MFSD11: variants seen among roughly 807,000 people sequenced by gnomAD.
MFSD11 encodes the protein major facilitator superfamily domain containing 11.
Under a neutral mutation model 53.5 loss-of-function variants are expected in MFSD11, and 36 were observed. The observed-to-expected ratio is 0.67, with a 90% CI of 0.52 to 0.89. The LOEUF is 0.89. MFSD11 is among the 40% of genes least tolerant of loss of function. MFSD11 has a pLI of 0.00. For synonymous variants in MFSD11, 186 were observed against 184.9 expected (o/e 1.01, Z -0.05); for missense variants, 530 against 543.9 (o/e 0.97, Z 0.25).
chr17:76,775,123 C>T lies in MFSD11; in HGVS notation c.1001C>T (p.Pro334Leu), dbSNP rs762193799. Residue 334 changes from proline to leucine, a missense_variant, in exon 11 of 13, where the codon CCG becomes CTG. Pro to Leu is a moderately conservative substitution (Grantham distance 98). Transcript: ENST00000685175. ...TTTCTCAACATGCCTGGAGATGCCC[C>T]GATTGCTCCTGTTAAAGGAACTGAC... ...LIFLNMPGDA[P>L]IAPVKGTDSS... is the part of the protein sequence containing the mutation. The T allele has an allele frequency of 1.9e-5, 31 of 1,613,840 alleles. No individual in the cohort carries two copies. In the Admixed American group the frequency reaches 2.0e-4, roughly 10 times the overall value.
chr17:76,761,844 C>G (rs1002327823), intron 8 of MFSD11, among the ~76,000 whole-genome samples: 3 of 151,592 alleles, frequency 2.0e-5, no homozygotes, highest in African/African-American at 7.3e-5. Context: ...TGGCGTGAAC[C>G]CAGGAGGCGG....
chr17:76,767,159 G>C (rs1031679020), intron 8 of MFSD11: 7 of 408,028 alleles, frequency 1.7e-5, no homozygotes, highest in Non-Finnish European at 3.0e-5. Context: ...GCTGGAAAAT[G>C]TGCTGAGGAA....
Position 76,778,677 on chromosome 17 carries a change from C to T in MFSD11, c.*325C>T. ...CTCCTGCTCTTGTTGGAAGATCCTG[C>T]CTTGATTTAGAATACTAGGCCATAT... On this transcript the variant is annotated 3_prime_UTR_variant, in exon 13 of 13. Transcript: ENST00000685175. 1 of 236,494 alleles carries T rather than the reference C, an allele frequency of 4.2e-6. No homozygotes were observed. The allele number at this position is 236,494 out of a possible 1,614,324, so 14.6% of individuals were successfully genotyped here.
At chr17:76,787,695 C>T in the MFSD11 span, among the ~76,000 whole-genome samples, 1 of 149,442 alleles carries the variant, frequency 6.7e-6, no homozygotes, top group Non-Finnish European at 1.5e-5. Flanking sequence ...AAAACCCTAA[C>T]CCCCCAACCC....
chr17:76,764,709 A>T (rs1435262497), intron 8 of MFSD11, among the ~76,000 whole-genome samples: 10 of 152,162 alleles, frequency 6.6e-5, no homozygotes, highest in Non-Finnish European at 1.5e-5. Context: ...ACACACATAT[A>T]CATATAATAG....
chr17:76,797,203 TAAAG>T, the MFSD11 span, among the ~76,000 whole-genome samples: 3 of 152,008 alleles, frequency 2.0e-5, no homozygotes, highest in Admixed American at 6.6e-5. Context: ...GAAAAGAAAG[TAAAG>T]AAACAAAAGA....
chr17:76,788,220 T>G, the MFSD11 span, among the ~76,000 whole-genome samples: 1 of 149,268 alleles, frequency 6.7e-6, no homozygotes, highest in Non-Finnish European at 1.5e-5. Flanking sequence ...TTTTGTATTT[T>G]TAGTAGAGAC....
At chr17:76,743,562 G>A (rs2078285846) in intron 6 of MFSD11, 106 bp downstream of exon 6, 1 of 611,958 alleles carries the variant, frequency 1.6e-6, no homozygotes, top group East Asian at 3.1e-5. Flanking sequence ...CATGAACCCC[G>A]ACACCTCAAG....
At chr17:76,766,749 C>A (rs1454046248) in intron 8 of MFSD11, among the ~76,000 whole-genome samples, 1 of 152,078 alleles carries the variant, frequency 6.6e-6, no homozygotes, top group Non-Finnish European at 1.5e-5. Flanking sequence ...GAGTAGTGGT[C>A]CTTAAATTAT....
chr17:76,779,398 A>AC (rs1249311980), downstream of MFSD11: 1 of 151,930 alleles, frequency 6.6e-6, no homozygotes, highest in Non-Finnish European at 1.5e-5. Flanking sequence ...AAGTTTTCTT[A>AC]CCTTGTAGCT....
intron 7 of MFSD11, chr17:76,745,544 T>C (rs571573119): frequency 2.0e-5 from 3 of 152,378 alleles, no homozygotes; most frequent in African/African-American, 7.2e-5. Context: ...TTCATTCTTA[T>C]GACATCTGTT....
chr17:76,758,192 A>T (rs1000130835), intron 8 of MFSD11, among the ~76,000 whole-genome samples: 2 of 152,184 alleles, frequency 1.3e-5, no homozygotes, highest in Admixed American at 6.6e-5. Flanking sequence ...GCAAGGTTAG[A>T]TAGCTGACTG....
chr17:76,764,003 C>T (rs1414550010), intron 8 of MFSD11, among the ~76,000 whole-genome samples: 4 of 152,030 alleles, frequency 2.6e-5, no homozygotes, highest in African/African-American at 7.2e-5. Flanking sequence ...GCTGGGATTA[C>T]AGGGGTATAC....
the MFSD11 span, among the ~76,000 whole-genome samples, chr17:76,802,227 T>C: frequency 2.0e-5 from 3 of 152,100 alleles, no homozygotes; most frequent in African/African-American, 7.2e-5. Context: ...GTCCCGATTG[T>C]GCCACTGCAC....
At chr17:76,764,309 GTGT>G (rs201232340) in intron 8 of MFSD11, among the ~76,000 whole-genome samples, 4,810 of 152,186 alleles carry the variant, frequency 0.032, 251 homozygotes, top group African/African-American at 0.11. Context: ...ATACAATAGA[GTGT>G]TATTAACTGT....
At chr17:76,738,579 A>AT (rs1326592215) in intron 1 of MFSD11, 131 bp downstream of exon 1, 1 of 667,198 alleles carries the variant, frequency 1.5e-6, no homozygotes, top group Non-Finnish European at 2.6e-6. Flanking sequence ...AGACTTCCTC[A>AT]TTTTTTATGA....
the MFSD11 span, among the ~76,000 whole-genome samples, chr17:76,791,994 T>TA: frequency 6.7e-6 from 1 of 148,962 alleles, no homozygotes; most frequent in South Asian, 2.2e-4. Flanking sequence ...GAATCCTTAA[T>TA]ATGCTAGATG....
intron 10 of MFSD11, chr17:76,773,382 C>T (rs950706843): frequency 4.6e-5 from 7 of 152,208 alleles, no homozygotes; most frequent in African/African-American, 1.4e-4. Context: ...GAATCCTTGC[C>T]AGCACTTGGT....
chr17:76,745,601 G>A (rs2078465072), intron 7 of MFSD11, among the ~76,000 whole-genome samples: 2 of 151,948 alleles, frequency 1.3e-5, no homozygotes, highest in Admixed American at 1.3e-4. Context: ...CAATTGTTTT[G>A]GGGCACCACA....
Sources: gnomAD v4.1 joint callset for allele counts (sites outside exome capture counted in the v4.1 genomes callset) on GRCh38, gnomAD v4.1.1 for gene constraint, MANE v1.5 for transcripts, NCBI Gene and HGNC (gene_info 2026-07-23, HGNC 2026-07-21) for gene names.